HMGCLL1: variants seen among roughly 807,000 people sequenced by gnomAD.
HMGCLL1 encodes the protein 3-hydroxymethyl-3-methylglutaryl-CoA lyase, cytoplasmic.
Under a neutral mutation model 39.1 loss-of-function variants are expected in HMGCLL1, and 36 were observed. The ratio of observed to expected loss-of-function variants is 0.92; its 90% CI spans 0.71 to 1.22. The LOEUF (loss-of-function observed/expected upper bound fraction) is 1.22. Ranked by LOEUF, HMGCLL1 falls within the 50% of genes most tolerant of loss-of-function variation. HMGCLL1 has a pLI of 0.00. For synonymous variants in HMGCLL1, 149 were observed against 144.0 expected (o/e 1.03, Z -0.25); for missense variants, 451 against 416.5 (o/e 1.08, Z -0.72).
chr6:55,647,773 T>TTTTTTTTTTTA, the HMGCLL1 span, among the ~76,000 whole-genome samples: 1 of 135,536 alleles, frequency 7.4e-6, no homozygotes, highest in African/African-American at 2.9e-5. Context: ...TATTTTATTT[T>TTTTTTTTTTTA]TTTTTTTTAT....
chr6:55,641,326 G>C, the HMGCLL1 span, among the ~76,000 whole-genome samples: 2 of 151,846 alleles, frequency 1.3e-5, no homozygotes, highest in Non-Finnish European at 2.9e-5. Flanking sequence ...TAATGAATTA[G>C]AGCAGCAACA....
intron 1 of HMGCLL1, among the ~76,000 whole-genome samples, chr6:55,567,848 C>G (rs995415994): frequency 6.6e-6 from 1 of 152,150 alleles, no homozygotes; most frequent in Admixed American, 6.6e-5. Flanking sequence ...CTCTCTCAAC[C>G]AGGAAAGTAA....
the HMGCLL1 span, among the ~76,000 whole-genome samples, chr6:55,629,317 G>T: frequency 6.6e-6 from 1 of 152,170 alleles, no homozygotes. Flanking sequence ...CTAAAGATTT[G>T]TGAACTTTGA....
At chr6:55,474,045 T>A (rs950800247) in intron 7 of HMGCLL1, among the ~76,000 whole-genome samples, 1 of 151,564 alleles carries the variant, frequency 6.6e-6, no homozygotes, top group East Asian at 1.9e-4. Context: ...TCTCTGTTTA[T>A]CTTTGTTTTG....
intron 3 of HMGCLL1, among the ~76,000 whole-genome samples, chr6:55,531,350 C>G (rs539694940): frequency 5.7e-4 from 86 of 152,198 alleles, no homozygotes; most frequent in African/African-American, 1.9e-3. Flanking sequence ...TCTTTCTGAG[C>G]CATACTGGAC....
intron 7 of HMGCLL1, among the ~76,000 whole-genome samples, chr6:55,473,010 A>AT (rs1430482029): frequency 6.6e-6 from 1 of 151,198 alleles, no homozygotes; most frequent in Admixed American, 6.6e-5. Context: ...ATCTTTGATA[A>AT]TTTTTTTCTT....
intron 3 of HMGCLL1, among the ~76,000 whole-genome samples, chr6:55,538,835 TACACAC>T (rs201267189): frequency 4.2e-4 from 63 of 149,104 alleles, no homozygotes; most frequent in African/African-American, 1.5e-3. Context: ...TATATACACA[TACACAC>T]ACACACACAC....
chr6:55,491,738 G>C (rs1221549354), intron 7 of HMGCLL1, among the ~76,000 whole-genome samples: 1 of 151,994 alleles, frequency 6.6e-6, no homozygotes, highest in African/African-American at 2.4e-5. Flanking sequence ...GGCCACATCC[G>C]TTTCTTCCGT....
intron 1 of HMGCLL1, among the ~76,000 whole-genome samples, chr6:55,563,047 A>C (rs1771030150): frequency 6.6e-6 from 1 of 152,096 alleles, no homozygotes; most frequent in South Asian, 2.1e-4. Context: ...TATACTGACA[A>C]ATATATTTGG....
At chr6:55,599,953 C>T in the HMGCLL1 span, among the ~76,000 whole-genome samples, 3 of 152,124 alleles carry the variant, frequency 2.0e-5, no homozygotes, top group Non-Finnish European at 4.4e-5. Flanking sequence ...TGTCCATATT[C>T]TCATTAAGCT....
rs191668397 is a variant in HMGCLL1 at position 55,562,298 on chromosome 6, G to C, written c.108+16650C>G. ...TTGTTTAGAATATACAGTGTGTTGG[G>C]ATAATTTAGTTGATTGACTAAATTT... On this transcript the variant is annotated intron_variant, in intron 1 of 8. Transcript: ENST00000274901. 6.6e-5 allele frequency among the ~76,000 whole-genome samples: 10 copies of C among 152,180 alleles called. No homozygotes were observed. In the East Asian group the frequency reaches 1.9e-3, roughly 29 times the overall value.
rs143741570 is a variant in HMGCLL1, at chr6:55,474,953, T to C, written c.795+20466A>G. On this transcript the variant is annotated intron_variant, in intron 7 of 8. Coordinates refer to ENST00000274901, the MANE Select transcript of HMGCLL1 (RefSeq NM_001042406.2). ...TTCTTTCTGCTGTAATCTGCTGTTA[T>C]TAGACTGGAGCCCTTTCGGTGTGGT... Among the ~76,000 whole-genome samples, 3 of 151,742 alleles carry C rather than the reference T, an allele frequency of 2.0e-5. No homozygotes were observed. In the East Asian group the frequency reaches 5.8e-4, roughly 29 times the overall value.
chr6:55,630,472 T>C, the HMGCLL1 span, among the ~76,000 whole-genome samples: 2 of 152,096 alleles, frequency 1.3e-5, no homozygotes, highest in South Asian at 2.1e-4. Flanking sequence ...TGGACTGACA[T>C]GTAAATGCTG....
intron 1 of HMGCLL1, chr6:55,577,096 C>A (rs776475553): frequency 4.6e-5 from 74 of 1,613,212 alleles, no homozygotes; most frequent in East Asian, 2.0e-4. Flanking sequence ...TACAAGCCAC[C>A]GTGCCTGCCA....
the HMGCLL1 span, among the ~76,000 whole-genome samples, chr6:55,649,051 G>T: frequency 6.6e-6 from 1 of 152,064 alleles, no homozygotes; most frequent in Admixed American, 6.6e-5. Context: ...TTGAATAGTT[G>T]CTGTAGTTAT....
chr6:55,667,555 C>T, the HMGCLL1 span, among the ~76,000 whole-genome samples: 12 of 151,808 alleles, frequency 7.9e-5, no homozygotes, highest in African/African-American at 2.9e-4. Flanking sequence ...AGTCTGTGTT[C>T]TGTACTCTAC....
chr6:55,479,309 C>T (rs1765610370), intron 7 of HMGCLL1, among the ~76,000 whole-genome samples: 1 of 151,690 alleles, frequency 6.6e-6, no homozygotes, highest in South Asian at 2.1e-4. Context: ...TTAACCACAA[C>T]ACTTTAGACA....
chr6:55,600,885 G>T, the HMGCLL1 span, among the ~76,000 whole-genome samples: 1 of 152,006 alleles, frequency 6.6e-6, no homozygotes, highest in Non-Finnish European at 1.5e-5. Flanking sequence ...AACATAGACT[G>T]CAACTACAAA....
chr6:55,578,756 G>A (rs2127481030), intron 1 of HMGCLL1, among the ~76,000 whole-genome samples, 192 bp downstream of exon 1: 1 of 152,286 alleles, frequency 6.6e-6, no homozygotes, highest in South Asian at 2.1e-4. Flanking sequence ...GAGGCGGGTC[G>A]ATACATTCAC....
Sources: gnomAD v4.1 joint callset for allele counts (sites outside exome capture counted in the v4.1 genomes callset) on GRCh38, gnomAD v4.1.1 for gene constraint, MANE v1.5 for transcripts, NCBI Gene and HGNC (gene_info 2026-07-23, HGNC 2026-07-21) for gene names.